Variants in ATRNL1 observed in about 807,000 individuals in gnomAD.
The protein encoded by ATRNL1 is attractin like 1.
A neutral mutation model predicts 182.7 loss-of-function variants in ATRNL1; 95 were observed. The ratio of observed to expected loss-of-function variants is 0.52; its 90% CI spans 0.44 to 0.62. The LOEUF (loss-of-function observed/expected upper bound fraction) is 0.62, where lower values mean the gene tolerates loss of function less well. ATRNL1 is among the 20% of genes least tolerant of loss of function. The pLI is 0.00. For missense variants in ATRNL1, 1,471 were observed against 1,679.5 expected (o/e 0.88, Z 2.17); for synonymous variants, 576 against 568.3 (o/e 1.01, Z -0.19).
chr10:115,476,903 T>C (rs1554973244), intron 24 of ATRNL1, among the ~76,000 whole-genome samples: 1 of 151,508 alleles, frequency 6.6e-6, no homozygotes, highest in Admixed American at 6.6e-5. Context: ...ATTGCTTCAC[T>C]TATTTATCCA....
intron 28 of ATRNL1, among the ~76,000 whole-genome samples, chr10:115,914,037 G>A (rs1029297862): frequency 6.6e-6 from 1 of 152,128 alleles, no homozygotes; most frequent in Non-Finnish European, 1.5e-5. Flanking sequence ...AGATCATGGG[G>A]TAGTTCCCCC....
chr10:115,660,285 C>T (rs1393968292), intron 26 of ATRNL1, among the ~76,000 whole-genome samples: 3 of 152,040 alleles, frequency 2.0e-5, no homozygotes, highest in Non-Finnish European at 2.9e-5. Flanking sequence ...GCCTAAACCT[C>T]CAAGTTTATG....
chr10:115,338,384 T>A (rs1223020639), intron 19 of ATRNL1, among the ~76,000 whole-genome samples: 1 of 152,206 alleles, frequency 6.6e-6, no homozygotes, highest in Non-Finnish European at 1.5e-5. Context: ...TTTCTCCACA[T>A]CCTCACAAAC....
rs115362787 is a variant in ATRNL1, at chr10:115,658,599, G to A, written c.3796-68649G>A. The stretch of plus-strand genomic sequence containing the variant: ...ACTGAAGGAGGGAGAGTTCCAGGGG[G>A]TATAGTATCCTCCCTATCTGGTCAG... On this transcript the variant is annotated intron_variant, in intron 26 of 28. Coordinates refer to ENST00000355044, the MANE Select transcript of ATRNL1 (RefSeq NM_207303.4). 7.5e-3 allele frequency among the ~76,000 whole-genome samples: 1,143 copies of A among 152,142 alleles called. 10 individuals carry two copies. Among genetic ancestry groups the A allele is most frequent in the African/African-American group, 0.025 (1,037 of 41,508 alleles).
At chr10:115,137,128 G>A (rs1216734893) in intron 5 of ATRNL1, among the ~76,000 whole-genome samples, 1 of 152,160 alleles carries the variant, frequency 6.6e-6, no homozygotes, top group East Asian at 1.9e-4. Context: ...CCAGGAGGTG[G>A]AGGTTGTGAG....
At chr10:115,671,764 A>G (rs1364841968) in intron 26 of ATRNL1, among the ~76,000 whole-genome samples, 2 of 152,130 alleles carry the variant, frequency 1.3e-5, no homozygotes, top group Non-Finnish European at 2.9e-5. Flanking sequence ...GTTTTTTACG[A>G]AGTTTGTTTG....
chr10:115,925,536 A>G (rs1035364459), intron 28 of ATRNL1, among the ~76,000 whole-genome samples: 1 of 152,190 alleles, frequency 6.6e-6, no homozygotes, highest in South Asian at 2.1e-4. Flanking sequence ...AAAGACACAC[A>G]TAGGCTCAAA....
At chr10:115,100,312 T>TA (rs574839321) in intron 1 of ATRNL1, among the ~76,000 whole-genome samples, 98 of 142,948 alleles carry the variant, frequency 6.9e-4, no homozygotes, top group African/African-American at 1.6e-3. Flanking sequence ...AAATAAAAAA[T>TA]AAAAAAAAAA....
chr10:115,348,248 C>G (rs1203567610), intron 19 of ATRNL1, among the ~76,000 whole-genome samples: 2 of 152,190 alleles, frequency 1.3e-5, no homozygotes, highest in Non-Finnish European at 1.5e-5. Context: ...GCTGGAATTA[C>G]AGGCATGAGG....
intron 26 of ATRNL1, among the ~76,000 whole-genome samples, chr10:115,582,899 A>G (rs1211775654): frequency 1.3e-5 from 2 of 150,548 alleles, no homozygotes; most frequent in African/African-American, 2.4e-5. Flanking sequence ...TAAGTCTTTA[A>G]TCCATCTTGA....
intron 28 of ATRNL1, among the ~76,000 whole-genome samples, chr10:115,920,447 A>G (rs529003033): frequency 3.9e-4 from 60 of 152,354 alleles, no homozygotes; most frequent in African/African-American, 1.4e-3. Context: ...GGCAAGAGTA[A>G]CATGAAGACT....
chr10:115,427,355 A>G (rs1435687199), intron 21 of ATRNL1, among the ~76,000 whole-genome samples: 1 of 152,168 alleles, frequency 6.6e-6, no homozygotes, highest in Non-Finnish European at 1.5e-5. Flanking sequence ...TTCATTCTAG[A>G]TACAAGTCCT....
At chr10:115,577,993 C>T (rs1854830388) in intron 26 of ATRNL1, among the ~76,000 whole-genome samples, 1 of 151,584 alleles carries the variant, frequency 6.6e-6, no homozygotes, top group Non-Finnish European at 1.5e-5. Context: ...AATGCTTTTA[C>T]TGTATCTTTG....
intron 24 of ATRNL1, among the ~76,000 whole-genome samples, chr10:115,477,091 C>A (rs1848567404): frequency 1.3e-5 from 2 of 151,416 alleles, no homozygotes; most frequent in East Asian, 3.9e-4. Context: ...TTTTAACATG[C>A]AATATAGATA....
chr10:115,793,043 G>T (rs1339868702), intron 27 of ATRNL1, among the ~76,000 whole-genome samples: 2 of 151,928 alleles, frequency 1.3e-5, no homozygotes, highest in African/African-American at 4.8e-5. Flanking sequence ...AAAACTTTAA[G>T]GAGATGCTTT....
chr10:115,212,671 AAAAG>A (rs1353862871), intron 8 of ATRNL1, among the ~76,000 whole-genome samples: 17 of 152,142 alleles, frequency 1.1e-4, no homozygotes, highest in African/African-American at 1.2e-4. Context: ...GCAGCCACGA[AAAAG>A]AAAGAGATAA....
At chr10:115,735,809 T>G (rs1287040716) in intron 27 of ATRNL1, among the ~76,000 whole-genome samples, 1 of 152,212 alleles carries the variant, frequency 6.6e-6, no homozygotes, top group East Asian at 1.9e-4. Context: ...AATCTTTTTC[T>G]TCTGGAATTT....
chr10:115,933,295 T>C (rs1434073889), intron 28 of ATRNL1, among the ~76,000 whole-genome samples: 1 of 152,230 alleles, frequency 6.6e-6, no homozygotes, highest in African/African-American at 2.4e-5. Flanking sequence ...TTTGGCATCA[T>C]AGAAACCACA....
intron 5 of ATRNL1, among the ~76,000 whole-genome samples, chr10:115,145,770 T>A (rs1264766): frequency 0.058 from 8,760 of 152,196 alleles, 814 homozygotes; most frequent in African/African-American, 0.2. Context: ...CTCTTGCTCT[T>A]AAAATCTTTA....
Sources: allele counts gnomAD v4.1 joint callset (sites outside exome capture counted in the v4.1 genomes callset), GRCh38; gene constraint gnomAD v4.1.1; transcripts MANE v1.5; gene names NCBI Gene and HGNC (gene_info 2026-07-23, HGNC 2026-07-21).